Variants in EBF1 observed in about 807,000 individuals in gnomAD.
The protein encoded by EBF1 is transcription factor COE1.
A neutral mutation model predicts 68.4 loss-of-function variants in EBF1; 10 were observed. That is an observed-to-expected ratio of 0.15 (90% confidence interval 0.09 to 0.25). The LOEUF (loss-of-function observed/expected upper bound fraction) is 0.25, where lower values mean the gene tolerates loss of function less well. Ranked by LOEUF, EBF1 falls within the 10% of genes least tolerant of loss-of-function variation. The probability of loss-of-function intolerance (pLI) is 1.00; values close to 1 mark genes in which losing one functional copy is unlikely to be tolerated. For missense variants in EBF1, 509 were observed against 794.4 expected (o/e 0.64, Z 4.32); for synonymous variants, 298 against 299.8 (o/e 0.99, Z 0.06).
chr5:158,976,607 G>A (rs908667324), intron 6 of EBF1, among the ~76,000 whole-genome samples: 3 of 152,172 alleles, frequency 2.0e-5, no homozygotes, highest in African/African-American at 7.2e-5. Flanking sequence ...TTTCAACCTA[G>A]ATCATTCTGC....
intron 6 of EBF1, among the ~76,000 whole-genome samples, chr5:158,841,935 A>G (rs1790411776): frequency 6.6e-6 from 1 of 152,234 alleles, no homozygotes; most frequent in Admixed American, 6.5e-5. Flanking sequence ...GCAGGCCTCT[A>G]AATAATCACT....
intron 10 of EBF1, among the ~76,000 whole-genome samples, chr5:158,772,309 A>T (rs1774029609): frequency 4.6e-5 from 7 of 152,304 alleles, no homozygotes; most frequent in Admixed American, 1.3e-4. Flanking sequence ...TCCAAGAATG[A>T]GAAACAGAGA....
intron 8 of EBF1, among the ~76,000 whole-genome samples, chr5:158,798,600 C>G (rs1364079964): frequency 2.0e-5 from 3 of 152,064 alleles, no homozygotes; most frequent in Non-Finnish European, 4.4e-5. Context: ...TTTTTTCCCA[C>G]TTGTTATACG....
chr5:158,722,656 C>T (rs111531033), intron 11 of EBF1, among the ~76,000 whole-genome samples: 1,951 of 152,302 alleles, frequency 0.013, 58 homozygotes, highest in African/African-American at 0.044. Flanking sequence ...CATCGGTTAT[C>T]ATATGTATCT....
intron 8 of EBF1, among the ~76,000 whole-genome samples, chr5:158,809,335 T>C (rs1008441401): frequency 1.3e-5 from 2 of 152,154 alleles, no homozygotes; most frequent in African/African-American, 2.4e-5. Flanking sequence ...TGAGAATCCA[T>C]GTTGATTGAT....
At chr5:158,748,163 T>C (rs1185925342) in intron 10 of EBF1, among the ~76,000 whole-genome samples, 2 of 152,190 alleles carry the variant, frequency 1.3e-5, no homozygotes, top group Non-Finnish European at 1.5e-5. Context: ...TTAAGACATA[T>C]GTTTTAAAAG....
intron 6 of EBF1, among the ~76,000 whole-genome samples, chr5:159,034,551 T>C (rs1769642304): frequency 6.6e-6 from 1 of 152,180 alleles, no homozygotes; most frequent in Admixed American, 6.5e-5. Flanking sequence ...GTGAAGCGGC[T>C]CAGTGACCCC....
At chr5:158,807,068 A>T (rs1781721846) in intron 8 of EBF1, among the ~76,000 whole-genome samples, 1 of 152,180 alleles carries the variant, frequency 6.6e-6, no homozygotes, top group Admixed American at 6.6e-5. Context: ...CAGCACAGAG[A>T]TAGGACACTT....
chr5:158,775,795 C>G (rs897398804), intron 10 of EBF1, among the ~76,000 whole-genome samples: 77 of 144,452 alleles, frequency 5.3e-4, no homozygotes, highest in African/African-American at 1.8e-3. Context: ...CACACACACA[C>G]ACACACACAC....
At chr5:158,741,079 T>A (rs1766274310) in intron 10 of EBF1, among the ~76,000 whole-genome samples, 1 of 152,216 alleles carries the variant, frequency 6.6e-6, no homozygotes, top group Non-Finnish European at 1.5e-5. Context: ...TATATAACAT[T>A]TTATTTCATT....
At chr5:158,821,690 AG>A (rs1358120028) in intron 8 of EBF1, among the ~76,000 whole-genome samples, 5 of 152,194 alleles carry the variant, frequency 3.3e-5, no homozygotes, top group Admixed American at 6.5e-5. Context: ...AGTGACTCCA[AG>A]GGTATTATAA....
At chr5:158,841,226 C>A (rs1333292724) in intron 6 of EBF1, among the ~76,000 whole-genome samples, 1 of 152,160 alleles carries the variant, frequency 6.6e-6, no homozygotes, top group African/African-American at 2.4e-5. Flanking sequence ...TATATGGTCA[C>A]CCTATAACTT....
In EBF1 at chr5:159,050,152, T is replaced by TTCTCTCTCTC. The variant is rs148912326; in HGVS notation, c.554+23234_554+23243dup. Among the ~76,000 whole-genome samples the TTCTCTCTCTC allele has an allele frequency of 5.2e-5, 7 of 135,646 alleles. 1 individual carries two copies. In the South Asian group the frequency reaches 7.6e-4, roughly 15 times the overall value. The allele number at this position is 135,646 out of a possible 152,430, so 89.0% of individuals were successfully genotyped here. A position where few individuals can be genotyped will look rare whatever the true frequency, so the allele number is the denominator to read the frequency against. On this transcript the variant is annotated intron_variant, in intron 6 of 15. Transcript: ENST00000313708. ...AAGTAAACAAGAGGTTCGTTTCTCTTTCTCTCTCTCTCTCTCTCTCTCTCT... is the reference window on the plus strand; with the variant it reads ...AAGTAAACAAGAGGTTCGTTTCTCTTTCTCTCTCTCTCTCTCTCTCTCTCTCTCTCTCTCT...
chr5:158,831,222 G>T (rs532276663), intron 7 of EBF1, among the ~76,000 whole-genome samples: 1 of 152,134 alleles, frequency 6.6e-6, no homozygotes, highest in African/African-American at 2.4e-5. Flanking sequence ...GCTCTGTAAC[G>T]ATGGGGCTAT....
At chr5:158,783,915 C>T (rs1031933563) in intron 9 of EBF1, among the ~76,000 whole-genome samples, 6 of 152,112 alleles carry the variant, frequency 3.9e-5, no homozygotes, top group African/African-American at 1.2e-4. Context: ...CTTCTACATG[C>T]GTATTAGACA....
At chr5:158,980,257 GC>G (rs1436850983) in intron 6 of EBF1, among the ~76,000 whole-genome samples, 1 of 152,240 alleles carries the variant, frequency 6.6e-6, no homozygotes, top group African/African-American at 2.4e-5. Context: ...CTGAACGTGT[GC>G]TTGCCTTTTG....
Position 158,827,684 on chromosome 5 carries a change from T to C in EBF1, c.637-4367A>G, listed in dbSNP as rs549291007. Among the ~76,000 whole-genome samples, 3 of 152,290 alleles carry C rather than the reference T, an allele frequency of 2.0e-5. No homozygotes were observed. In the South Asian group the frequency reaches 6.2e-4, roughly 32 times the overall value. ...AGATTCATGAAGCATAACCTCTGTC[T>C]CATGAGCAGATTTTCAAAAAGACAC... is the stretch of plus-strand genomic sequence containing the variant. On this transcript the variant is annotated intron_variant, in intron 7 of 15. Coordinates refer to ENST00000313708, the MANE Select transcript of EBF1 (RefSeq NM_024007.5).
chr5:158,699,221 A>C, intron 15 of EBF1, 79 bp from the exon 16 acceptor site: 1 of 1,446,400 alleles, frequency 6.9e-7, no homozygotes, highest in East Asian at 2.3e-5. Flanking sequence ...GACTAAAAAA[A>C]AAAAAACACC....
intron 9 of EBF1, among the ~76,000 whole-genome samples, chr5:158,791,347 A>G (rs981313434): frequency 2.0e-5 from 3 of 151,242 alleles, no homozygotes; most frequent in Non-Finnish European, 4.4e-5. Context: ...AGGAATTGCT[A>G]GAATTGTAGC....
Sources: gnomAD v4.1 joint callset for allele counts (sites outside exome capture counted in the v4.1 genomes callset) on GRCh38, gnomAD v4.1.1 for gene constraint, MANE v1.5 for transcripts, NCBI Gene and HGNC (gene_info 2026-07-23, HGNC 2026-07-21) for gene names.